Variants in CACNA1C observed in about 807,000 individuals in gnomAD.
The protein encoded by CACNA1C is calcium voltage-gated channel subunit alpha1 C.
CACNA1C carries 30 observed loss-of-function variants against 229.0 expected under a neutral mutation model. The observed-to-expected ratio is 0.13, with a 90% confidence interval of 0.10 to 0.18. The LOEUF (loss-of-function observed/expected upper bound fraction) is 0.18. CACNA1C is among the 10% of genes least tolerant of loss of function. The probability of loss-of-function intolerance (pLI) is 1.00; values close to 1 mark genes in which losing one functional copy is unlikely to be tolerated. For missense variants in CACNA1C, 1,658 were observed against 2,845.0 expected, an observed-to-expected ratio of 0.58 and a Z score of 9.49; for synonymous variants, 1,114 against 1,132.5, an observed-to-expected ratio of 0.98 and a Z score of 0.33.
chr12:2,301,259 G>A lies in CACNA1C; in HGVS notation c.478-147717G>A, dbSNP rs577304775. 7.6e-4 allele frequency among the ~76,000 whole-genome samples: 115 copies of A among 152,254 alleles called. 1 individual carries two copies. Among genetic ancestry groups the A allele is most frequent in the African/African-American group, 2.7e-3 (112 of 41,554 alleles). ...TCTGTGCCATCGCTTAGAGGGTATCGGTAGAACCCTCTGTCCCAGAAGTCA... is the reference window on the plus strand; with the variant it reads ...TCTGTGCCATCGCTTAGAGGGTATCAGTAGAACCCTCTGTCCCAGAAGTCA... On this transcript the variant is annotated intron_variant, in intron 3 of 46. Transcript: ENST00000399655.
chr12:2,220,879 AAG>A (rs778768616), intron 3 of CACNA1C: 5 of 151,220 alleles, frequency 3.3e-5, no homozygotes, highest in African/African-American at 7.4e-5. Flanking sequence ...GCAAGAAGAG[AAG>A]AGAGAGAAAA....
At chr12:2,642,136 T>A (rs1424032045) in intron 30 of CACNA1C, among the ~76,000 whole-genome samples, 2 of 152,182 alleles carry the variant, frequency 1.3e-5, no homozygotes, top group Non-Finnish European at 2.9e-5. Flanking sequence ...CCTGTTTTTT[T>A]ATAGGCATCC....
chr12:2,674,688 G>GC (rs1422915954), intron 39 of CACNA1C, 46 bp downstream of exon 39: 2 of 1,496,332 alleles, frequency 1.3e-6, no homozygotes, highest in South Asian at 1.3e-5. Context: ...GCCTGGCCGT[G>GC]CCCCCCTCTG....
chr12:2,200,648 C>T (rs919832640), intron 3 of CACNA1C, among the ~76,000 whole-genome samples: 1 of 152,168 alleles, frequency 6.6e-6, no homozygotes, highest in Non-Finnish European at 1.5e-5. Context: ...GATAGATACA[C>T]AATAAACAAA....
chr12:2,481,326 G>A (rs1047503027), intron 5 of CACNA1C, among the ~76,000 whole-genome samples: 1 of 152,166 alleles, frequency 6.6e-6, no homozygotes, highest in African/African-American at 2.4e-5. Flanking sequence ...GTAGAGAAAG[G>A]TGCCAGACAT....
intron 3 of CACNA1C, among the ~76,000 whole-genome samples, chr12:2,370,404 G>A (rs1031721377): frequency 3.3e-5 from 5 of 152,106 alleles, no homozygotes; most frequent in Non-Finnish European, 1.5e-5. Flanking sequence ...GTATAATGAT[G>A]TTCATTTCAG....
At position 2,601,882 on chromosome 12, in the gene CACNA1C, A is replaced by G. The variant is rs1568698386; in HGVS notation, c.2882A>G (p.Lys961Arg). Residue 961 changes from lysine to arginine, a missense_variant, in exon 22 of 47, where the codon AAG becomes AGG. By Grantham distance (26) the Lys-to-Arg change is conservative. Coordinates refer to ENST00000399655, the MANE Select transcript of CACNA1C (RefSeq NM_000719.7). This position sits in a 1 kb window ranked among gnomAD's most constrained non-coding sequence, Gnocchi z 5.9. ...KMTAYGAFLH[K>R]GSFCRNYFNI... The stretch of plus-strand genomic sequence containing the variant: ...ACTGCTTATGGGGCTTTCTTGCACA[A>G]GGGTTCTTTCTGCCGGAACTACTTC... 4.3e-6 allele frequency: 7 copies of G among 1,613,856 alleles called. No individual in the cohort carries two copies. Among genetic ancestry groups the G allele is most frequent in the East Asian group, 2.2e-5 (1 of 44,866 alleles).
chr12:2,223,184 G>A (rs1382847950), intron 3 of CACNA1C, among the ~76,000 whole-genome samples: 1 of 152,164 alleles, frequency 6.6e-6, no homozygotes, highest in Non-Finnish European at 1.5e-5. Context: ...GTCTTACTGG[G>A]GAGTCACACC....
At chr12:2,237,454 T>G (rs1420220581) in intron 3 of CACNA1C, among the ~76,000 whole-genome samples, 1 of 152,232 alleles carries the variant, frequency 6.6e-6, no homozygotes, top group Non-Finnish European at 1.5e-5. Flanking sequence ...AATGCTGATT[T>G]CTGTTCCTGT....
intron 1 of CACNA1C, chr12:1,992,130 G>A (rs1302289379): frequency 1.5e-5 from 4 of 262,238 alleles, no homozygotes; most frequent in East Asian, 2.2e-4. Context: ...TGTACCTTTC[G>A]GCAAAGAAAC....
intron 9 of CACNA1C, among the ~76,000 whole-genome samples, chr12:2,538,664 G>A (rs1232773164): frequency 6.6e-6 from 1 of 152,042 alleles, no homozygotes; most frequent in African/African-American, 2.4e-5. Context: ...TGTTTTTCCT[G>A]GACTCACAGT....
intron 30 of CACNA1C, among the ~76,000 whole-genome samples, chr12:2,640,903 G>A (rs148673511): frequency 3.9e-3 from 590 of 152,326 alleles, no homozygotes; most frequent in South Asian, 9.1e-3. Flanking sequence ...CCCCCTCAGG[G>A]GTGAGTCAGC....
At chr12:2,475,543 A>G (rs754645375) in intron 5 of CACNA1C, among the ~76,000 whole-genome samples, 1 of 152,260 alleles carries the variant, frequency 6.6e-6, no homozygotes, top group South Asian at 2.1e-4. Context: ...GAAAAGAACC[A>G]AATGTAAATT....
At chr12:2,578,149 T>A (rs1600824547) in intron 13 of CACNA1C, among the ~76,000 whole-genome samples, 2 of 152,272 alleles carry the variant, frequency 1.3e-5, no homozygotes, top group Middle Eastern at 3.4e-3. Flanking sequence ...ATTACAGGCG[T>A]GAGCCACCGC....
intron 1 of CACNA1C, among the ~76,000 whole-genome samples, chr12:2,100,416 A>C (rs2075837194): frequency 6.7e-6 from 1 of 149,014 alleles, no homozygotes; most frequent in Admixed American, 6.7e-5. Flanking sequence ...GCAGTGAGCC[A>C]AGATTGCACC....
chr12:2,514,710 T>C (rs562826962), intron 9 of CACNA1C, among the ~76,000 whole-genome samples: 13 of 152,298 alleles, frequency 8.5e-5, no homozygotes, highest in African/African-American at 3.1e-4. Context: ...GCGCGTGTTA[T>C]TGAAAACCTG....
intron 3 of CACNA1C, among the ~76,000 whole-genome samples, chr12:2,438,280 A>G (rs867429893): frequency 0.011 from 522 of 49,346 alleles, 4 homozygotes; most frequent in African/African-American, 0.037. Context: ...TGGTAATGAT[A>G]GTGGTAATGA....
intron 9 of CACNA1C, among the ~76,000 whole-genome samples, chr12:2,515,619 C>G (rs2099795006): frequency 6.6e-6 from 1 of 152,206 alleles, no homozygotes; most frequent in African/African-American, 2.4e-5. Context: ...CTCCGCTTCT[C>G]CCCTGGGCAG....
At chr12:2,320,880 A>G (rs2095954038) in intron 3 of CACNA1C, among the ~76,000 whole-genome samples, 1 of 152,056 alleles carries the variant, frequency 6.6e-6, no homozygotes, top group South Asian at 2.1e-4. Flanking sequence ...CATTCCCTGC[A>G]CCTATGGCTC....
Sources: gnomAD v4.1 joint callset for allele counts (sites outside exome capture counted in the v4.1 genomes callset) on GRCh38, gnomAD v4.1.1 for gene constraint, Gnocchi (gnomAD v3.1) non-coding constraint, MANE v1.5 for transcripts, NCBI Gene and HGNC (gene_info 2026-07-23, HGNC 2026-07-21) for gene names.